TEX36: variants seen among roughly 807,000 people sequenced by gnomAD.
The protein encoded by TEX36 is testis-expressed protein 36.
In TEX36, 12 loss-of-function variants were observed where a neutral mutation model predicts 13.6. The observed-to-expected ratio is 0.88, with a 90% CI of 0.56 to 1.43. TEX36 has a LOEUF of 1.43. TEX36 is among the 40% of genes most tolerant of loss of function. The probability of loss-of-function intolerance (pLI) is 0.00; values close to 1 mark genes in which losing one functional copy is unlikely to be tolerated. For synonymous variants in TEX36, 93 were observed against 83.0 expected (o/e 1.12, Z -0.65); for missense variants, 224 against 228.3 (o/e 0.98, Z 0.12).
chr10:125,615,022 G>A (rs1221817181), intron 3 of TEX36, among the ~76,000 whole-genome samples: 1 of 152,180 alleles, frequency 6.6e-6, no homozygotes, highest in African/African-American at 2.4e-5. Flanking sequence ...GGATTCCTAG[G>A]TGTTTTATTC....
chr10:125,647,649 G>C (rs1243813993), intron 3 of TEX36, among the ~76,000 whole-genome samples: 1 of 152,216 alleles, frequency 6.6e-6, no homozygotes, highest in African/African-American at 2.4e-5. Context: ...GAGTTACTGG[G>C]TTCATCTCAC....
intron 3 of TEX36, among the ~76,000 whole-genome samples, chr10:125,626,351 G>A (rs1846490095): frequency 6.6e-6 from 1 of 152,144 alleles, no homozygotes; most frequent in Non-Finnish European, 1.5e-5. Context: ...CCTATATCCT[G>A]GGCCTGGCAT....
intron 1 of TEX36, among the ~76,000 whole-genome samples, chr10:125,672,087 T>A (rs1847241812): frequency 6.7e-6 from 1 of 148,416 alleles, no homozygotes; most frequent in Admixed American, 6.6e-5. Flanking sequence ...ACCTCCTAGA[T>A]TCATTGATTT....
At chr10:125,640,095 T>G in intron 3 of TEX36, 40 of 932,748 alleles carry the variant, frequency 4.3e-5, no homozygotes, top group Non-Finnish European at 4.6e-5. Flanking sequence ...ACGTGGATAA[T>G]GAGCAAAGTT....
intron 3 of TEX36, among the ~76,000 whole-genome samples, chr10:125,623,579 GA>G (rs531089481): frequency 0.12 from 11,320 of 94,066 alleles, 942 homozygotes; most frequent in African/African-American, 0.3. Context: ...GTTTCCAAAT[GA>G]AAAAAAAAAA....
At chr10:125,674,609 G>A (rs1847284429) in intron 1 of TEX36, among the ~76,000 whole-genome samples, 1 of 152,164 alleles carries the variant, frequency 6.6e-6, no homozygotes, top group Admixed American at 6.5e-5. Flanking sequence ...AATTTTTACA[G>A]GGACTTTTTT....
At chr10:125,618,578 T>A (rs1483089175), downstream of TEX36, among the ~76,000 whole-genome samples, 1 of 151,624 alleles carries the variant, frequency 6.6e-6, no homozygotes, top group Non-Finnish European at 1.5e-5. Flanking sequence ...TGCTGGGGGG[T>A]GCCTCTCAGT....
chr10:125,656,859 C>A (rs1428585404), intron 3 of TEX36, among the ~76,000 whole-genome samples: 1 of 152,054 alleles, frequency 6.6e-6, no homozygotes, highest in Non-Finnish European at 1.5e-5. Context: ...ACACCCCCGA[C>A]CTTCCCTGCT....
intron 1 of TEX36, among the ~76,000 whole-genome samples, chr10:125,664,396 AT>A (rs1847092793): frequency 6.6e-6 from 1 of 152,078 alleles, no homozygotes; most frequent in Non-Finnish European, 1.5e-5. Flanking sequence ...TCTATTTTTA[AT>A]TTTTTGAGGA....
chr10:125,662,085 G>T, intron 1 of TEX36, 108 bp from the exon 2 acceptor site: 1 of 1,378,050 alleles, frequency 7.3e-7, no homozygotes, highest in Non-Finnish European at 9.8e-7. Flanking sequence ...GGGTGCTTTT[G>T]GCATGCAATG....
intron 3 of TEX36, among the ~76,000 whole-genome samples, chr10:125,603,209 T>C (rs1846171031): frequency 6.6e-6 from 1 of 152,216 alleles, no homozygotes. Context: ...CCCCTCTCCA[T>C]GGCCCCCCGC....
At chr10:125,679,376 C>G (rs1388460606) in intron 1 of TEX36, among the ~76,000 whole-genome samples, 1 of 152,102 alleles carries the variant, frequency 6.6e-6, no homozygotes, top group African/African-American at 2.4e-5. Context: ...CCCAGGAGAG[C>G]GTGCAGTCTG....
chr10:125,595,945 G>A (rs1303797146), intron 3 of TEX36, among the ~76,000 whole-genome samples: 1 of 152,176 alleles, frequency 6.6e-6, no homozygotes, highest in Non-Finnish European at 1.5e-5. Context: ...CATTGCTGAT[G>A]CTCCAAAGTG....
intron 3 of TEX36, among the ~76,000 whole-genome samples, chr10:125,648,263 G>T (rs188633395): frequency 6.6e-6 from 1 of 152,180 alleles, no homozygotes; most frequent in Non-Finnish European, 1.5e-5. Flanking sequence ...AGTAGGGGCC[G>T]ACCAACATCT....
intron 3 of TEX36, among the ~76,000 whole-genome samples, chr10:125,622,235 T>C (rs115610703): frequency 1.9e-4 from 29 of 152,328 alleles, no homozygotes; most frequent in African/African-American, 6.5e-4. Flanking sequence ...AGAAGCACAC[T>C]AATCCTTAAC....
chr10:125,676,546 C>G (rs933408319), intron 1 of TEX36, among the ~76,000 whole-genome samples: 2 of 146,062 alleles, frequency 1.4e-5, no homozygotes, highest in African/African-American at 5.0e-5. Context: ...ATAGTTGGAT[C>G]TTTTTTTTTT....
At chr10:125,678,716 G>A (rs1344004023) in intron 1 of TEX36, among the ~76,000 whole-genome samples, 1 of 152,124 alleles carries the variant, frequency 6.6e-6, no homozygotes, top group East Asian at 1.9e-4. Context: ...CTTGCACATG[G>A]GGGCCAGCTG....
At chr10:125,582,508 G>A (rs1467806300) in intron 3 of TEX36, among the ~76,000 whole-genome samples, 1 of 152,168 alleles carries the variant, frequency 6.6e-6, no homozygotes, top group Non-Finnish European at 1.5e-5. Flanking sequence ...CTTCCATTCT[G>A]CTGCGTGCGT....
At chr10:125,647,466 C>T (rs920071718) in intron 3 of TEX36, among the ~76,000 whole-genome samples, 1 of 152,126 alleles carries the variant, frequency 6.6e-6, no homozygotes, top group Admixed American at 6.5e-5. Flanking sequence ...CCTAAAACTG[C>T]TCTAAGAAAT....
Sources: gnomAD v4.1 joint callset for allele counts (sites outside exome capture counted in the v4.1 genomes callset) on GRCh38, gnomAD v4.1.1 for gene constraint, MANE v1.5 for transcripts, NCBI Gene and HGNC (gene_info 2026-07-23, HGNC 2026-07-21) for gene names.